The following TSC22D1 variants were observed in gnomAD, a reference collection of about 807,000 sequenced individuals.
TSC22D1 encodes TSC22 domain family protein 1.
In TSC22D1, 9 loss-of-function variants were observed where a neutral mutation model predicts 74.2. The ratio of observed to expected loss-of-function variants is 0.12; its 90% confidence interval spans 0.07 to 0.21. The LOEUF (loss-of-function observed/expected upper bound fraction) is 0.21. Among genes scored for constraint, TSC22D1 ranks in the 10% least tolerant of loss-of-function variants. The pLI, the probability that TSC22D1 is intolerant of heterozygous loss-of-function variation, is 1.00. For synonymous variants in TSC22D1, 586 were observed against 492.5 expected, an observed-to-expected ratio of 1.19 and a Z score of -2.51; for missense variants, 1,427 against 1,304.7, an observed-to-expected ratio of 1.09 and a Z score of -1.44.
chr13:44,540,000 T>C (rs1251431550), intron 1 of TSC22D1: 1 of 1,102,956 alleles, frequency 9.1e-7, no homozygotes, highest in Non-Finnish European at 1.2e-6. Flanking sequence ...TTTGAGTTTG[T>C]AATGGCTTAA....
chr13:44,575,548 G>T lies in TSC22D1; in HGVS notation c.527C>A (p.Thr176Asn). 1 of 1,614,078 alleles carries T rather than the reference G, an allele frequency of 6.2e-7. No homozygotes were observed. The highest frequency in any genetic ancestry group is 8.5e-7 in the Non-Finnish European group (1 of 1,180,030). ...CTCGGCTTCCTGGAAGTTATTTAGG[G>T]TCTCTTCTGAGGAGCTGCGTTCGGG... is the stretch of plus-strand genomic sequence containing the variant. ...GEPERSSSEETLNNFQEAETP... is the reference protein window; with the variant it reads ...GEPERSSSEENLNNFQEAETP... Residue 176 changes from threonine (T) to asparagine (N), a missense_variant, in exon 1 of 3, where the codon ACC becomes AAC. Around this residue, in one of 3 missense-constraint regions of TSC22D1, gnomAD observed 1,343 missense variants for 1,191.5 expected, o/e 1.13. Coordinates refer to ENST00000458659, the MANE Select transcript of TSC22D1 (RefSeq NM_183422.4).
intron 1 of TSC22D1, among the ~76,000 whole-genome samples, chr13:44,498,845 A>G (rs1031164639): frequency 6.6e-6 from 1 of 152,192 alleles, no homozygotes; most frequent in African/African-American, 2.4e-5. Context: ...TCCATCCTCA[A>G]ACTAAGTAAA....
At chr13:44,483,114 A>G (rs1237203867) in intron 1 of TSC22D1, among the ~76,000 whole-genome samples, 1 of 152,218 alleles carries the variant, frequency 6.6e-6, no homozygotes, top group African/African-American at 2.4e-5. Context: ...AATTACGAAT[A>G]CACTTAATAA....
chr13:44,458,617 T>C (rs1264018900), intron 1 of TSC22D1, among the ~76,000 whole-genome samples: 1 of 151,968 alleles, frequency 6.6e-6, no homozygotes, highest in African/African-American at 2.4e-5. Flanking sequence ...CCTCCAGACC[T>C]GGGCATCCCT....
chr13:44,480,558 C>T (rs1878129622), intron 1 of TSC22D1, among the ~76,000 whole-genome samples: 1 of 152,112 alleles, frequency 6.6e-6, no homozygotes, highest in African/African-American at 2.4e-5. Context: ...TAGGATGATG[C>T]AGGGTTTGGG....
intron 1 of TSC22D1, among the ~76,000 whole-genome samples, chr13:44,467,763 T>A (rs1161835086): frequency 6.6e-6 from 1 of 152,180 alleles, no homozygotes; most frequent in Non-Finnish European, 1.5e-5. Context: ...CTGGCACAGA[T>A]ACAGTGAAAA....
intron 1 of TSC22D1, among the ~76,000 whole-genome samples, chr13:44,463,599 T>C (rs1196373095): frequency 2.0e-5 from 3 of 152,190 alleles, no homozygotes; most frequent in Non-Finnish European, 2.9e-5. Flanking sequence ...AAAATGGCCT[T>C]TTTAAACAAA....
intron 1 of TSC22D1, among the ~76,000 whole-genome samples, chr13:44,570,188 CTTTTTTT>C (rs1258759696): frequency 9.8e-5 from 13 of 132,450 alleles, no homozygotes; most frequent in Non-Finnish European, 2.0e-4. Flanking sequence ...GACATTAAGA[CTTTTTTT>C]TTTTTTTTTT....
intron 1 of TSC22D1, among the ~76,000 whole-genome samples, chr13:44,486,006 C>T (rs1345261009): frequency 6.6e-6 from 1 of 151,880 alleles, no homozygotes; most frequent in Non-Finnish European, 1.5e-5. Context: ...AACATTAATA[C>T]ATAGCTCCCC....
intron 1 of TSC22D1, among the ~76,000 whole-genome samples, chr13:44,555,191 T>C (rs60858286): frequency 0.023 from 3,500 of 152,062 alleles, 67 homozygotes; most frequent in African/African-American, 0.043. Flanking sequence ...TTTAAAATAT[T>C]ATCTCTTAAG....
At chr13:44,520,015 T>C (rs957001410) in intron 1 of TSC22D1, among the ~76,000 whole-genome samples, 2 of 152,162 alleles carry the variant, frequency 1.3e-5, no homozygotes, top group African/African-American at 4.8e-5. Flanking sequence ...GCGAAGATCA[T>C]AAATTCATAA....
intron 1 of TSC22D1, among the ~76,000 whole-genome samples, chr13:44,511,103 A>G (rs1319193442): frequency 6.6e-6 from 1 of 152,074 alleles, no homozygotes; most frequent in Non-Finnish European, 1.5e-5. Flanking sequence ...CAACACGGCA[A>G]AACCCTATCT....
intron 1 of TSC22D1, among the ~76,000 whole-genome samples, chr13:44,507,150 T>C (rs1212889934): frequency 1.2e-4 from 19 of 152,112 alleles, no homozygotes; most frequent in Admixed American, 1.2e-3. Context: ...GAGTTTAGAC[T>C]TTAAGAACTA....
At chr13:44,435,300 T>C (rs887369160) in intron 2 of TSC22D1, 10 of 162,838 alleles carry the variant, frequency 6.1e-5, no homozygotes, top group East Asian at 3.7e-4. Flanking sequence ...CTACCGAACA[T>C]GTTGCCGCAT....
chr13:44,440,206 T>A (rs969307138), intron 1 of TSC22D1, among the ~76,000 whole-genome samples: 1 of 152,192 alleles, frequency 6.6e-6, no homozygotes, highest in Non-Finnish European at 1.5e-5. Context: ...GCCAAAGAAA[T>A]GGCTGTTAAA....
chr13:44,484,146 G>A (rs974658493), intron 1 of TSC22D1, among the ~76,000 whole-genome samples: 1 of 152,046 alleles, frequency 6.6e-6, no homozygotes, highest in African/African-American at 2.4e-5. Flanking sequence ...CACAAAGTTT[G>A]AAACTGAAAA....
intron 1 of TSC22D1, among the ~76,000 whole-genome samples, chr13:44,488,575 G>T (rs1283051139): frequency 6.6e-6 from 1 of 151,614 alleles, no homozygotes; most frequent in African/African-American, 2.4e-5. Context: ...ACCAATATTG[G>T]AAAAGAAAAA....
chr13:44,520,486 T>C (rs528045927), intron 1 of TSC22D1, among the ~76,000 whole-genome samples: 3 of 152,260 alleles, frequency 2.0e-5, no homozygotes, highest in Admixed American at 2.0e-4. Flanking sequence ...TACAGAGTTT[T>C]TAAGTTTGGG....
At chr13:44,557,369 G>C (rs1566174008) in intron 1 of TSC22D1, among the ~76,000 whole-genome samples, 1 of 152,214 alleles carries the variant, frequency 6.6e-6, no homozygotes, top group African/African-American at 2.4e-5. Flanking sequence ...GCTGAGGCAG[G>C]AGAATTGCTT....
Sources: gnomAD v4.1 joint callset for allele counts (sites outside exome capture counted in the v4.1 genomes callset) on GRCh38, gnomAD v4.1.1 for gene constraint, gnomAD v4.1.1 regional missense constraint, MANE v1.5 for transcripts, NCBI Gene and HGNC (gene_info 2026-07-23, HGNC 2026-07-21) for gene names.